The following SPATA17 variants were observed in gnomAD, a reference collection of about 807,000 sequenced individuals.
SPATA17 encodes spermatogenesis-associated protein 17.
Under a neutral mutation model 62.2 loss-of-function variants are expected in SPATA17, and 53 were observed. The ratio of observed to expected loss-of-function variants is 0.85; its 90% CI spans 0.68 to 1.07. SPATA17 has a LOEUF of 1.07. SPATA17 is among the 50% of genes least tolerant of loss of function. The probability of loss-of-function intolerance (pLI) is 0.00; values close to 1 mark genes in which losing one functional copy is unlikely to be tolerated. For synonymous variants in SPATA17, 146 were observed against 146.8 expected (o/e 0.99, Z 0.04); for missense variants, 466 against 425.5 (o/e 1.10, Z -0.84).
intron 5 of SPATA17, among the ~76,000 whole-genome samples, chr1:217,714,232 T>TA (rs1187293101): frequency 1.3e-5 from 2 of 151,472 alleles, no homozygotes; most frequent in Admixed American, 6.6e-5. Flanking sequence ...TACTAAAAAT[T>TA]AAAAAAATTA....
At chr1:217,855,606 T>A (rs144287585) in intron 9 of SPATA17, among the ~76,000 whole-genome samples, 2,080 of 152,194 alleles carry the variant, frequency 0.014, 13 homozygotes, top group Middle Eastern at 0.048. Flanking sequence ...AATGAACTGG[T>A]CAAACAAGGA....
At chr1:217,658,958 A>T (rs896641378) in intron 3 of SPATA17, among the ~76,000 whole-genome samples, 1 of 152,012 alleles carries the variant, frequency 6.6e-6, no homozygotes, top group Non-Finnish European at 1.5e-5. Context: ...AAAACCACTG[A>T]TTTAATTTTC....
intron 6 of SPATA17, among the ~76,000 whole-genome samples, chr1:217,749,251 T>C (rs1323050765): frequency 2.0e-5 from 3 of 152,198 alleles, no homozygotes; most frequent in African/African-American, 7.2e-5. Context: ...TGTTCCTTTA[T>C]AGTTTCTTAG....
chr1:217,864,688 G>C (rs1675972595), intron 10 of SPATA17, among the ~76,000 whole-genome samples: 1 of 151,880 alleles, frequency 6.6e-6, no homozygotes. Flanking sequence ...TCTATTTTTT[G>C]ATGTTTTAAT....
At chr1:217,691,558 C>G (rs1237899722) in intron 5 of SPATA17, among the ~76,000 whole-genome samples, 1 of 64,644 alleles carries the variant, frequency 1.5e-5, no homozygotes, top group African/African-American at 6.2e-5. Flanking sequence ...GACATGAAGT[C>G]CTTGCCCACG....
At chr1:217,669,240 AT>A (rs1670781140) in intron 4 of SPATA17, among the ~76,000 whole-genome samples, 157 bp downstream of exon 4, 1 of 152,212 alleles carries the variant, frequency 6.6e-6, no homozygotes, top group African/African-American at 2.4e-5. Context: ...ATGCTAAATA[AT>A]CTTGGCAGTA....
rs895687454 is a variant in SPATA17, at chr1:217,867,199, T to C, written c.*180T>C. The C allele has an allele frequency of 6.6e-6, 1 of 152,202 alleles. No individual in the cohort carries two copies. The highest frequency in any genetic ancestry group is 2.4e-5 in the African/African-American group (1 of 41,454). The allele number at this position is 152,202 out of a possible 1,614,324, so 9.4% of individuals were successfully genotyped here. The stretch of plus-strand genomic sequence containing the variant: ...ATGTATTTGAAATCTCTTAGACATA[T>C]CTTTTCAAACAAATACTTAAACTTG... On this transcript the variant is annotated 3_prime_UTR_variant, in exon 11 of 11. Transcript: ENST00000366933.
intron 4 of SPATA17, among the ~76,000 whole-genome samples, chr1:217,670,456 T>C (rs1571719953): frequency 3.9e-5 from 6 of 152,328 alleles, no homozygotes; most frequent in Admixed American, 3.9e-4. Context: ...TAAGGTTTCT[T>C]TTACCTAGAC....
chr1:217,736,153 G>C (rs1218289467), intron 5 of SPATA17, among the ~76,000 whole-genome samples: 1 of 152,034 alleles, frequency 6.6e-6, no homozygotes, highest in African/African-American at 2.4e-5. Context: ...TGCAATGCAA[G>C]AAAACATGAA....
In SPATA17 at chr1:217,672,311, G is replaced by A. The variant is rs192352808; in HGVS notation, c.291+3228G>A. On this transcript the variant is annotated intron_variant, in intron 4 of 10. Coordinates refer to ENST00000366933, the MANE Select transcript of SPATA17 (RefSeq NM_138796.4). ...TAGAAGTGATTTAAACATGAATGGC[G>A]AGTGTTCAAAAGAAAGAATCTCTAA... is the stretch of plus-strand genomic sequence containing the variant. 8.0e-4 allele frequency among the ~76,000 whole-genome samples: 122 copies of A among 152,256 alleles called. 1 individual carries two copies. The highest frequency in any genetic ancestry group is 2.9e-3 in the African/African-American group (120 of 41,538).
intron 9 of SPATA17, among the ~76,000 whole-genome samples, chr1:217,836,099 C>G (rs1675253678): frequency 6.6e-6 from 1 of 152,170 alleles, no homozygotes; most frequent in Non-Finnish European, 1.5e-5. Flanking sequence ...AGTGCTAACT[C>G]TGTCTCCCAT....
rs181194723 is a variant in SPATA17 at position 217,749,440 on chromosome 1, T to G, written c.519+7342T>G. The stretch of plus-strand genomic sequence containing the variant: ...TCACATGTTCCTTGTGAACTTTTTT[T>G]GGGCTTTTTTTTCTGTGTGTGTTTT... On this transcript the variant is annotated intron_variant, in intron 6 of 10. Transcript: ENST00000366933. Among the ~76,000 whole-genome samples, 174 of 152,268 alleles carry G rather than the reference T, an allele frequency of 1.1e-3. 1 individual carries two copies. The highest frequency in any genetic ancestry group is 3.7e-3 in the African/African-American group (152 of 41,554).
intron 8 of SPATA17, among the ~76,000 whole-genome samples, chr1:217,793,444 T>C (rs1382736479): frequency 2.0e-5 from 3 of 151,978 alleles, no homozygotes; most frequent in Non-Finnish European, 4.4e-5. Context: ...ATGGTCTCGA[T>C]CTCTTGACCT....
At chr1:217,826,451 A>C (rs929291838) in intron 9 of SPATA17, among the ~76,000 whole-genome samples, 2 of 152,080 alleles carry the variant, frequency 1.3e-5, no homozygotes, top group African/African-American at 4.8e-5. Context: ...TAATAGGTCT[A>C]ATTATTTATC....
intron 9 of SPATA17, among the ~76,000 whole-genome samples, chr1:217,840,762 G>C (rs545987658): frequency 2.0e-5 from 3 of 152,096 alleles, no homozygotes; most frequent in East Asian, 3.9e-4. Context: ...GGAGGGCTTA[G>C]GCAGGAGGAT....
chr1:217,721,225 T>A (rs1026124566), intron 5 of SPATA17, among the ~76,000 whole-genome samples: 40 of 152,198 alleles, frequency 2.6e-4, no homozygotes, highest in Admixed American at 4.6e-4. Context: ...TTAATGATAA[T>A]CTTTTAAATA....
chr1:217,661,818 A>G (rs1670577182), intron 3 of SPATA17, among the ~76,000 whole-genome samples: 3 of 152,040 alleles, frequency 2.0e-5, no homozygotes, highest in Admixed American at 6.6e-5. Context: ...CATGCATTTT[A>G]TGCATGCTGA....
intron 5 of SPATA17, 54 bp downstream of exon 5, chr1:217,683,415 T>G: frequency 8.9e-7 from 1 of 1,123,916 alleles, no homozygotes; most frequent in Non-Finnish European, 1.3e-6. Context: ...GATTACTCAA[T>G]AGATGTTGAT....
Position 217,681,176 on chromosome 1 carries a change from G to A in SPATA17, c.292-2082G>A, listed in dbSNP as rs567920901. Among the ~76,000 whole-genome samples the A allele has an allele frequency of 8.0e-5, 12 of 150,838 alleles. No homozygotes were observed. In the South Asian group the frequency reaches 8.5e-4, roughly 11 times the overall value. ...AGGGAGTTGGAGGTTACAGTGAACC[G>A]AAATCGCGCCACTGCACTCCAGCCT... is the stretch of plus-strand genomic sequence containing the variant. On this transcript the variant is annotated intron_variant, in intron 4 of 10. Coordinates refer to ENST00000366933, the MANE Select transcript of SPATA17 (RefSeq NM_138796.4).
Sources: gnomAD v4.1 joint callset for allele counts (sites outside exome capture counted in the v4.1 genomes callset) on GRCh38, gnomAD v4.1.1 for gene constraint, MANE v1.5 for transcripts, NCBI Gene and HGNC (gene_info 2026-07-23, HGNC 2026-07-21) for gene names.